Variants in PI4KA observed in about 807,000 individuals in gnomAD.
The protein encoded by PI4KA is phosphatidylinositol 4-kinase alpha.
PI4KA carries 122 observed loss-of-function variants against 271.4 expected under a neutral mutation model. That is an observed-to-expected ratio of 0.45 (90% confidence interval 0.39 to 0.52). PI4KA has a LOEUF of 0.52. Ranked by LOEUF, PI4KA falls within the 20% of genes least tolerant of loss-of-function variation. The probability of loss-of-function intolerance (pLI) is 0.00; values close to 1 mark genes in which losing one functional copy is unlikely to be tolerated. For missense variants in PI4KA, 1,969 were observed against 2,769.1 expected, an observed-to-expected ratio of 0.71 and a Z score of 6.48; for synonymous variants, 1,041 against 1,078.8, an observed-to-expected ratio of 0.96 and a Z score of 0.69.
intron 1 of PI4KA, among the ~76,000 whole-genome samples, chr22:20,857,104 T>G (rs1238658089): frequency 6.6e-6 from 1 of 152,336 alleles, no homozygotes; most frequent in East Asian, 1.9e-4. Flanking sequence ...ATACATTAGG[T>G]ACCCACGTGC....
intron 43 of PI4KA, among the ~76,000 whole-genome samples, 184 bp from the exon 44 acceptor site, chr22:20,719,006 C>T (rs1737526940): frequency 6.6e-6 from 1 of 152,250 alleles, no homozygotes; most frequent in African/African-American, 2.4e-5. Flanking sequence ...TGCTGGGAAG[C>T]TAAGCTGGTG....
chr22:20,724,160 C>T (rs1290478447), intron 42 of PI4KA, among the ~76,000 whole-genome samples: 3 of 150,468 alleles, frequency 2.0e-5, no homozygotes, highest in Non-Finnish European at 4.4e-5. Context: ...AAATAATTAA[C>T]CAGGTGTGGT....
At chr22:20,812,473 A>T (rs1286320215) in intron 8 of PI4KA, among the ~76,000 whole-genome samples, 2 of 152,162 alleles carry the variant, frequency 1.3e-5, no homozygotes, top group Non-Finnish European at 2.9e-5. Context: ...TCTGGCCTTG[A>T]TGACATCATC....
Position 20,796,124 on chromosome 22 carries a change from G to A in PI4KA, c.2277+22C>T, listed in dbSNP as rs768122528. On this transcript the variant is annotated intron_variant, in intron 18 of 54. Coordinates refer to ENST00000255882, the MANE Select transcript of PI4KA (RefSeq NM_058004.4). ...CAGGGATAGGACACTGATGGGGAAG[G>A]CATAGCCATCCTCCTTCCTACCTTT... The A allele has an allele frequency of 6.9e-6, 11 of 1,602,140 alleles. No individual in the cohort carries two copies. The Admixed American group carries it at 1.0e-4, about 15-fold the overall frequency.
At chr22:20,784,272 T>C (rs781282934) in intron 19 of PI4KA, 6 of 1,613,996 alleles carry the variant, frequency 3.7e-6, no homozygotes, top group Non-Finnish European at 1.7e-6. Flanking sequence ...GTTTGTTCTT[T>C]TGAGCTCCCA....
Position 20,838,751 on chromosome 22 carries a change from C to T in PI4KA, c.157-20G>A. 7.2e-7 allele frequency: 1 copy of T among 1,381,908 alleles called. No individual in the cohort carries two copies. The highest frequency in any genetic ancestry group is 1.0e-6 in the Non-Finnish European group (1 of 972,104). The allele number at this position is 1,381,908 out of a possible 1,614,324, so 85.6% of individuals were successfully genotyped here. ...TTGGACCTAGAAAATGAGACCCCCCCAAAAACAGCTCTACAAAATAGAAAA... is the reference window on the plus strand; with the variant it reads ...TTGGACCTAGAAAATGAGACCCCCCTAAAAACAGCTCTACAAAATAGAAAA... On this transcript the variant is annotated intron_variant, in intron 1 of 54. Transcript: ENST00000255882.
intron 13 of PI4KA, among the ~76,000 whole-genome samples, chr22:20,802,401 C>T (rs1041743183): frequency 1.3e-5 from 2 of 152,158 alleles, no homozygotes; most frequent in Admixed American, 6.5e-5. Flanking sequence ...GCTCTGAGGG[C>T]GACTGAGGCA....
At chr22:20,727,735 G>T (rs760541909) in intron 40 of PI4KA, 39 bp downstream of exon 40, 1 of 1,474,568 alleles carries the variant, frequency 6.8e-7, no homozygotes, top group Admixed American at 1.7e-5. Context: ...GCTATTTTGT[G>T]CAGTTTGAAC....
rs1925177579 is a variant in PI4KA, at chr22:20,710,851, G to A, written c.5931C>T (p.Gly1977=). Residue 1977 remains glycine (G), a synonymous_variant, in exon 52 of 55, where the codon GGC becomes GGT. Transcript: ENST00000255882. ...KKGHIIHIDF[G]FMFESSPGGN... Reference sequence around the variant, plus strand: ...CGCCCGGCGAGCTTTCAAACATGAAGCCAAAGTCTGCAAAACCCCAAAGAG... The same window carrying A: ...CGCCCGGCGAGCTTTCAAACATGAAACCAAAGTCTGCAAAACCCCAAAGAG... 3 of 1,611,620 alleles carry A rather than the reference G, an allele frequency of 1.9e-6. No individual in the cohort carries two copies. Among genetic ancestry groups the A allele is most frequent in the African/African-American group, 1.3e-5 (1 of 74,790 alleles).
rs998857841 is a variant in PI4KA, at chr22:20,774,886, A to G, written c.2329-9193T>C. Among the ~76,000 whole-genome samples, 5 of 151,974 alleles carry G rather than the reference A, an allele frequency of 3.3e-5. No individual in the cohort carries two copies. In the East Asian group the frequency reaches 9.6e-4, roughly 29 times the overall value. On this transcript the variant is annotated intron_variant, in intron 19 of 54. Coordinates refer to ENST00000255882, the MANE Select transcript of PI4KA (RefSeq NM_058004.4). ...CCTGTGAGAACACACACGTACGTAC[A>G]CACACACACAGATAATGACAGGGCA...
chr22:20,816,828 G>A (rs114086401), intron 7 of PI4KA, among the ~76,000 whole-genome samples: 123 of 151,762 alleles, frequency 8.1e-4, no homozygotes, highest in African/African-American at 2.8e-3. Context: ...CCACATTAGT[G>A]TGCTCCCATC....
At chr22:20,710,172 C>T in intron 52 of PI4KA, 175 bp from the exon 53 acceptor site, 12 of 659,342 alleles carry the variant, frequency 1.8e-5, no homozygotes, top group Non-Finnish European at 3.1e-5. Flanking sequence ...ACTTGGTAAC[C>T]CATACCGCCC....
chr22:20,729,242 C>A, intron 39 of PI4KA, 71 bp downstream of exon 39: 1 of 1,376,042 alleles, frequency 7.3e-7, no homozygotes, highest in East Asian at 2.4e-5. Context: ...GAACTCATGA[C>A]CCAGCTGGCA....
At chr22:20,778,906 T>C (rs1159006485) in intron 19 of PI4KA, among the ~76,000 whole-genome samples, 2 of 151,972 alleles carry the variant, frequency 1.3e-5, no homozygotes, top group Admixed American at 6.5e-5. Flanking sequence ...ATCTGTCCCC[T>C]GACTGGTCCA....
chr22:20,712,438 G>A (rs773878399), intron 50 of PI4KA, 48 bp downstream of exon 50: 24 of 1,598,400 alleles, frequency 1.5e-5, no homozygotes, highest in African/African-American at 1.3e-4. Context: ...TGGCTGGGGT[G>A]GGGTGGAGCA....
In PI4KA at chr22:20,709,465, G is replaced by A. The variant is rs538149199; in HGVS notation, c.6174-86C>T. 470 of 761,958 alleles carry A rather than the reference G, an allele frequency of 6.2e-4. 4 individuals carry two copies. In the African/African-American group the frequency reaches 7.5e-3, roughly 12 times the overall value. The allele number at this position is 761,958 out of a possible 1,614,324, so 47.2% of individuals were successfully genotyped here. On this transcript the variant is annotated intron_variant, in intron 53 of 54. Transcript: ENST00000255882. ...TGGGAGGAGGGTCTTCCATGGGGAC[G>A]GACTTCAGCTGAGAGCCACGCCCTG...
chr22:20,803,230 G>C lies in PI4KA; in HGVS notation c.1552C>G (p.Leu518Val). The C allele has an allele frequency of 6.2e-7, 1 of 1,614,128 alleles. No individual in the cohort carries two copies. Among genetic ancestry groups the C allele is most frequent in the Non-Finnish European group, 8.5e-7 (1 of 1,179,986 alleles). ...CTGTGGTACTTGTAGAGCTTCACCA[G>C]AACTGGGGACGGGATGACCAGGAAG... Reference protein sequence around the residue: ...RDFLVIPSPVLVKLYKYHSQY... With the variant: ...RDFLVIPSPVVVKLYKYHSQY... The change falls in exon 13 of 55, where the codon CTG becomes GTG. Residue 518 changes from leucine (L) to valine (V), a missense_variant. Physicochemically the swap from Leu to Val is conservative, Grantham distance 32. This residue lies in a region of PI4KA where 228 missense variants were observed against 261.6 expected (regional missense o/e 0.87). Coordinates refer to ENST00000255882, the MANE Select transcript of PI4KA (RefSeq NM_058004.4).
intron 23 of PI4KA, among the ~76,000 whole-genome samples, chr22:20,755,697 G>A (rs1438939995): frequency 1.3e-5 from 2 of 152,012 alleles, no homozygotes; most frequent in African/African-American, 4.8e-5. Context: ...AGCTACTTGG[G>A]AGGCTGGGGC....
intron 22 of PI4KA, 98 bp from the exon 23 acceptor site, chr22:20,761,484 T>C (rs572975227): frequency 3.9e-6 from 3 of 761,118 alleles, no homozygotes; most frequent in Admixed American, 2.0e-5. Flanking sequence ...TGAAGAACAT[T>C]TGCCCTCTGT....
Sources: allele counts gnomAD v4.1 joint callset (sites outside exome capture counted in the v4.1 genomes callset), GRCh38; gene constraint gnomAD v4.1.1; regional missense constraint gnomAD v4.1.1; transcripts MANE v1.5; gene names NCBI Gene and HGNC (gene_info 2026-07-23, HGNC 2026-07-21).